Variants in SEMA5A observed in about 807,000 individuals in gnomAD.
SEMA5A encodes semaphorin 5A, also known as semaphorin-5A.
SEMA5A carries 55 observed loss-of-function variants against 135.5 expected under a neutral mutation model. The ratio of observed to expected loss-of-function variants is 0.41; its 90% confidence interval spans 0.33 to 0.51. The LOEUF (loss-of-function observed/expected upper bound fraction) is 0.51. Among genes scored for constraint, SEMA5A ranks in the 20% least tolerant of loss-of-function variants. SEMA5A has a pLI of 0.37. For missense variants in SEMA5A, 1,290 were observed against 1,419.9 expected, an observed-to-expected ratio of 0.91 and a Z score of 1.47; for synonymous variants, 580 against 546.5, an observed-to-expected ratio of 1.06 and a Z score of -0.85.
At chr5:9,445,441 G>A (rs1758397456) in intron 1 of SEMA5A, among the ~76,000 whole-genome samples, 1 of 151,840 alleles carries the variant, frequency 6.6e-6, no homozygotes, top group South Asian at 2.1e-4. Context: ...AGGCCGAGGT[G>A]GGCGGATCAC....
At chr5:9,338,348 GA>G (rs1443511188) in intron 3 of SEMA5A, among the ~76,000 whole-genome samples, 1 of 152,112 alleles carries the variant, frequency 6.6e-6, no homozygotes, top group Non-Finnish European at 1.5e-5. Flanking sequence ...GACCTTTCTA[GA>G]TGAGAAATCC....
intron 3 of SEMA5A, among the ~76,000 whole-genome samples, chr5:9,343,187 A>C (rs894807584): frequency 6.6e-6 from 1 of 152,348 alleles, no homozygotes; most frequent in Admixed American, 6.5e-5. Flanking sequence ...TGATCTACAC[A>C]AAAACCATTC....
At chr5:9,214,162 C>T (rs969778764) in intron 8 of SEMA5A, among the ~76,000 whole-genome samples, 6 of 152,142 alleles carry the variant, frequency 3.9e-5, no homozygotes, top group East Asian at 3.9e-4. Flanking sequence ...AATGCGCCCC[C>T]GAAACTGCAC....
intron 5 of SEMA5A, among the ~76,000 whole-genome samples, chr5:9,315,083 A>T (rs1752332053): frequency 6.6e-6 from 1 of 152,148 alleles, no homozygotes; most frequent in South Asian, 2.1e-4. Flanking sequence ...ATATATACAC[A>T]TGAGTTAATG....
chr5:9,364,874 A>G (rs1754849473), intron 3 of SEMA5A, among the ~76,000 whole-genome samples: 1 of 152,152 alleles, frequency 6.6e-6, no homozygotes, highest in Non-Finnish European at 1.5e-5. Flanking sequence ...GGAATTATTT[A>G]TTTTCTTCTT....
chr5:9,308,355 G>T (rs1178901140), intron 5 of SEMA5A, among the ~76,000 whole-genome samples: 2 of 152,256 alleles, frequency 1.3e-5, no homozygotes, highest in East Asian at 1.9e-4. Flanking sequence ...ACAAGGGAGA[G>T]TTGGTTATAA....
intron 2 of SEMA5A, among the ~76,000 whole-genome samples, chr5:9,430,852 T>C (rs1757832547): frequency 6.6e-6 from 1 of 152,042 alleles, no homozygotes; most frequent in Non-Finnish European, 1.5e-5. Flanking sequence ...TTTTTTGTTT[T>C]TTTTTTAGCA....
chr5:9,327,975 A>G (rs1453720702), intron 4 of SEMA5A, among the ~76,000 whole-genome samples: 1 of 152,192 alleles, frequency 6.6e-6, no homozygotes, highest in Admixed American at 6.5e-5. Flanking sequence ...AGGACTATTC[A>G]TGCTTTAAAT....
At chr5:9,189,254 G>A (rs985108103) in intron 11 of SEMA5A, among the ~76,000 whole-genome samples, 1 of 152,204 alleles carries the variant, frequency 6.6e-6, no homozygotes, top group African/African-American at 2.4e-5. Context: ...CTTACTGACT[G>A]CTCTGTTTAT....
At chr5:9,298,555 T>C (rs1022275877) in intron 5 of SEMA5A, among the ~76,000 whole-genome samples, 2 of 152,242 alleles carry the variant, frequency 1.3e-5, no homozygotes, top group African/African-American at 4.8e-5. Context: ...ATCTTCTAAG[T>C]TTTTTTAAAA....
At chr5:9,276,372 T>A (rs1369030460) in intron 5 of SEMA5A, among the ~76,000 whole-genome samples, 1 of 152,116 alleles carries the variant, frequency 6.6e-6, no homozygotes, top group Non-Finnish European at 1.5e-5. Flanking sequence ...ATTGTGAAAA[T>A]GGCCATACTG....
chr5:9,444,355 CCT>C (rs1455832632), intron 1 of SEMA5A, among the ~76,000 whole-genome samples: 7 of 152,058 alleles, frequency 4.6e-5, no homozygotes, highest in South Asian at 4.2e-4. Context: ...CACCCTTTCC[CCT>C]GAGTCCCCAA....
At chr5:9,251,477 C>A (rs1748781583) in intron 5 of SEMA5A, among the ~76,000 whole-genome samples, 1 of 152,120 alleles carries the variant, frequency 6.6e-6, no homozygotes, top group Admixed American at 6.6e-5. Context: ...ATATCAACAG[C>A]AAAAATTCAA....
intron 2 of SEMA5A, among the ~76,000 whole-genome samples, chr5:9,421,872 A>G (rs1344762658): frequency 6.6e-6 from 1 of 152,162 alleles, no homozygotes; most frequent in African/African-American, 2.4e-5. Context: ...TTTCTCATCA[A>G]TTTGTAAGAG....
At chr5:9,110,817 C>T (rs1740198222) in intron 15 of SEMA5A, among the ~76,000 whole-genome samples, 1 of 152,112 alleles carries the variant, frequency 6.6e-6, no homozygotes, top group Non-Finnish European at 1.5e-5. Flanking sequence ...AGGTTTTCCT[C>T]TTTAGGTGGT....
chr5:9,158,297 C>T (rs1258097695), intron 11 of SEMA5A, among the ~76,000 whole-genome samples: 1 of 151,954 alleles, frequency 6.6e-6, no homozygotes, highest in Non-Finnish European at 1.5e-5. Flanking sequence ...AGATTTCAAC[C>T]CAAGATGTCA....
intron 13 of SEMA5A, among the ~76,000 whole-genome samples, chr5:9,132,508 G>A (rs1034548721): frequency 6.6e-6 from 1 of 152,144 alleles, no homozygotes; most frequent in African/African-American, 2.4e-5. Flanking sequence ...CTAAGTAGTG[G>A]TACCTTGATC....
intron 1 of SEMA5A, among the ~76,000 whole-genome samples, chr5:9,501,912 A>C (rs2126822621): frequency 6.6e-6 from 1 of 152,242 alleles, no homozygotes; most frequent in Non-Finnish European, 1.5e-5. Flanking sequence ...CCATTCATCC[A>C]CCCGTAGAAA....
chr5:9,376,057 GA>G (rs2126461132), intron 3 of SEMA5A, among the ~76,000 whole-genome samples: 1 of 152,158 alleles, frequency 6.6e-6, no homozygotes, highest in South Asian at 2.1e-4. Flanking sequence ...CCAATTTCCA[GA>G]ATCTACTTCT....
Sources: allele counts gnomAD v4.1 joint callset (sites outside exome capture counted in the v4.1 genomes callset), GRCh38; gene constraint gnomAD v4.1.1; transcripts MANE v1.5; gene names NCBI Gene and HGNC (gene_info 2026-07-23, HGNC 2026-07-21).